HGSNAT: variants seen among roughly 807,000 people sequenced by gnomAD.
HGSNAT encodes transmembrane protein 76.
In HGSNAT, 59 loss-of-function variants were observed where a neutral mutation model predicts 85.2. The observed-to-expected ratio is 0.69, with a 90% CI of 0.56 to 0.86. The LOEUF (loss-of-function observed/expected upper bound fraction) is 0.86. Ranked by LOEUF, HGSNAT falls within the 40% of genes least tolerant of loss-of-function variation. HGSNAT has a pLI of 0.00. For missense variants in HGSNAT, 756 were observed against 777.1 expected (o/e 0.97, Z 0.32); for synonymous variants, 321 against 304.5 (o/e 1.05, Z -0.56).
chr8:43,141,090 G>A (rs938418199), intron 1 of HGSNAT, among the ~76,000 whole-genome samples: 1 of 152,238 alleles, frequency 6.6e-6, no homozygotes, highest in Admixed American at 6.5e-5. Flanking sequence ...CGCCGGAGCC[G>A]TGCGACCCAT....
At chr8:43,199,058 C>T (rs570776692) in intron 17 of HGSNAT, among the ~76,000 whole-genome samples, 69 of 152,264 alleles carry the variant, frequency 4.5e-4, no homozygotes, top group African/African-American at 9.9e-4. Flanking sequence ...CACCCCACCA[C>T]GCCCGGCTAA....
Position 43,159,880 on chromosome 8 carries a change from G to A in HGSNAT, c.493+836G>A, listed in dbSNP as rs73675459. Among the ~76,000 whole-genome samples the A allele has an allele frequency of 9.9e-3, 1,503 of 152,216 alleles. 35 individuals carry two copies. The highest frequency in any genetic ancestry group is 0.034 in the African/African-American group (1,412 of 41,528). ...GGTAACAATGTATGTGCTGCCTTTT[G>A]AAAGGCAGTAACAAATCCCTGTGGT... On this transcript the variant is annotated intron_variant, in intron 4 of 17. Transcript: ENST00000379644.
chr8:43,183,648 A>T (rs543078188), intron 11 of HGSNAT, among the ~76,000 whole-genome samples: 34 of 151,792 alleles, frequency 2.2e-4, no homozygotes, highest in Admixed American at 1.8e-3. Context: ...TTTTTTTTTA[A>T]ATTATCCTTT....
At chr8:43,170,439 C>T (rs939417234) in intron 6 of HGSNAT, 146 bp from the exon 7 acceptor site, 1 of 704,696 alleles carries the variant, frequency 1.4e-6, no homozygotes, top group Non-Finnish European at 2.4e-6. Flanking sequence ...AAGGTCTTGC[C>T]ATTGCACTCC....
chr8:43,159,860 C>T (rs1460286247), intron 4 of HGSNAT, among the ~76,000 whole-genome samples: 2 of 152,094 alleles, frequency 1.3e-5, no homozygotes, highest in African/African-American at 2.4e-5. Context: ...TATTAGGTAA[C>T]AATGTATGTG....
intron 12 of HGSNAT, among the ~76,000 whole-genome samples, chr8:43,192,080 C>A (rs1804552281): frequency 6.6e-6 from 1 of 152,154 alleles, no homozygotes; most frequent in Non-Finnish European, 1.5e-5. Context: ...AGGCGCACAC[C>A]ACCATGCCCG....
intron 8 of HGSNAT, among the ~76,000 whole-genome samples, chr8:43,173,353 A>G (rs1324282080): frequency 6.7e-6 from 1 of 150,000 alleles, no homozygotes; most frequent in Non-Finnish European, 1.5e-5. Context: ...CTTGTCACCC[A>G]GGCTGGAGTG....
At chr8:43,155,096 C>A (rs1192023377) in intron 2 of HGSNAT, among the ~76,000 whole-genome samples, 6 of 152,154 alleles carry the variant, frequency 3.9e-5, no homozygotes, top group Admixed American at 6.5e-5. Flanking sequence ...GATCTATACC[C>A]AGTAGTGGGA....
At chr8:43,170,480 A>G (rs1803586644) in intron 6 of HGSNAT, 105 bp from the exon 7 acceptor site, 1 of 1,108,136 alleles carries the variant, frequency 9.0e-7, no homozygotes, top group African/African-American at 1.6e-5. Flanking sequence ...ACTCTGTCTC[A>G]AAAAACAAAA....
chr8:43,141,773 T>G (rs574087290), intron 1 of HGSNAT, among the ~76,000 whole-genome samples: 7 of 152,120 alleles, frequency 4.6e-5, no homozygotes, highest in Non-Finnish European at 1.0e-4. Context: ...CTTCATCTCC[T>G]GCGCTCCCCT....
chr8:43,169,125 AAT>A, intron 5 of HGSNAT, 46 bp from the exon 6 acceptor site: 1 of 1,165,680 alleles, frequency 8.6e-7, no homozygotes, highest in South Asian at 1.6e-5. Flanking sequence ...TCATTTAAAA[AAT>A]TCTGCCAATG....
At chr8:43,188,243 G>A (rs1044007712) in intron 11 of HGSNAT, among the ~76,000 whole-genome samples, 6 of 152,026 alleles carry the variant, frequency 3.9e-5, no homozygotes, top group African/African-American at 7.2e-5. Flanking sequence ...AGTTTTTTCC[G>A]ACTTGGTTCT....
At chr8:43,182,313 T>G (rs1255198601) in intron 11 of HGSNAT, 53 bp downstream of exon 11, 1 of 1,337,406 alleles carries the variant, frequency 7.5e-7, no homozygotes, top group Non-Finnish European at 1.1e-6. Context: ...AAAAAAAATG[T>G]ATTGTGTGGT....
intron 15 of HGSNAT, 78 bp from the exon 16 acceptor site, chr8:43,197,594 A>G (rs1804766432): frequency 2.0e-6 from 2 of 988,958 alleles, no homozygotes; most frequent in South Asian, 2.7e-5. Flanking sequence ...TAAATAACTA[A>G]TATATATTGG....
chr8:43,187,565 C>T (rs914588553), intron 11 of HGSNAT, among the ~76,000 whole-genome samples: 1 of 152,190 alleles, frequency 6.6e-6, no homozygotes. Context: ...CTCCTGAATA[C>T]AGCACACTGA....
intron 8 of HGSNAT, among the ~76,000 whole-genome samples, chr8:43,173,138 C>T (rs1803685870): frequency 6.6e-6 from 1 of 152,000 alleles, no homozygotes; most frequent in African/African-American, 2.4e-5. Context: ...GTGTGTGCCA[C>T]CATACATGGC....
At chr8:43,165,587 G>T (rs1803408246) in intron 5 of HGSNAT, among the ~76,000 whole-genome samples, 1 of 152,208 alleles carries the variant, frequency 6.6e-6, no homozygotes, top group Non-Finnish European at 1.5e-5. Context: ...TAGCCAAGTT[G>T]TGAAAGTTCT....
chr8:43,145,915 T>G (rs1802699584), intron 1 of HGSNAT, among the ~76,000 whole-genome samples: 1 of 152,186 alleles, frequency 6.6e-6, no homozygotes. Flanking sequence ...CATTTTTTTC[T>G]TTTGGGTAAA....
At chr8:43,147,898 A>G (rs563769115) in intron 2 of HGSNAT, among the ~76,000 whole-genome samples, 3 of 152,320 alleles carry the variant, frequency 2.0e-5, no homozygotes, top group Admixed American at 1.3e-4. Flanking sequence ...CAGTATACCC[A>G]TGTAACAAAC....
Sources: gnomAD v4.1 joint callset for allele counts (sites outside exome capture counted in the v4.1 genomes callset) on GRCh38, gnomAD v4.1.1 for gene constraint, MANE v1.5 for transcripts, NCBI Gene and HGNC (gene_info 2026-07-23, HGNC 2026-07-21) for gene names.